The following STARD9 variants were observed in gnomAD, a reference collection of about 807,000 sequenced individuals.
STARD9 encodes the protein StAR related lipid transfer domain containing 9.
In STARD9, 346 loss-of-function variants were observed where a neutral mutation model predicts 399.8. The observed-to-expected ratio is 0.87, with a 90% CI of 0.79 to 0.95. The LOEUF is 0.95. Among genes scored for constraint, STARD9 ranks in the 40% least tolerant of loss-of-function variants. The pLI, the probability that STARD9 is intolerant of heterozygous loss-of-function variation, is 0.00. For synonymous variants in STARD9, 2,203 were observed against 2,143.5 expected (o/e 1.03, Z -0.77); for missense variants, 5,832 against 5,667.5 (o/e 1.03, Z -0.93).
chr15:42,703,880 G>C (rs528531274), intron 26 of STARD9, among the ~76,000 whole-genome samples: 5 of 151,770 alleles, frequency 3.3e-5, no homozygotes, highest in Non-Finnish European at 5.9e-5. Flanking sequence ...ATTTCTGTTT[G>C]ATTTTTAAAA....
At position 42,688,948 on chromosome 15, in the gene STARD9, G is replaced by A; in HGVS notation, c.7370G>A (p.Ser2457Asn). 6.5e-7 allele frequency: 1 copy of A among 1,537,454 alleles called. No homozygotes were observed. ...KDLRITLLGF[S>N]TSEDFASEAE... Reference sequence around the variant, plus strand: ...CTCAGAATCACCTTGCTGGGTTTCAGTACCAGTGAAGATTTTGCTTCTGAA... The same window carrying A: ...CTCAGAATCACCTTGCTGGGTTTCAATACCAGTGAAGATTTTGCTTCTGAA... Residue 2457 changes from serine to asparagine, a missense_variant, in exon 23 of 33, where the codon AGT (serine) becomes AAT (asparagine). Transcript: ENST00000290607.
In STARD9 at chr15:42,693,660, G is replaced by A. The variant is rs776792870; in HGVS notation, c.12082G>A (p.Gly4028Ser). 4 of 1,537,240 alleles carry A rather than the reference G, an allele frequency of 2.6e-6. No individual in the cohort carries two copies. The South Asian group carries it at 4.8e-5, about 18-fold the overall frequency. ...PPLRHRSQRL[G>S]NSFVPEKVAS... ...ACTGAGGCACAGGAGCCAAAGGCTG[G>A]GCAACAGCTTTGTGCCTGAGAAGGT... Residue 4028 changes from glycine (G) to serine (S), a missense_variant, in exon 23 of 33, where the codon GGC (glycine) becomes AGC (serine). Transcript: ENST00000290607.
Position 42,692,547 on chromosome 15 carries a change from T to C in STARD9, c.10969T>C (p.Ser3657Pro), listed in dbSNP as rs1171153732. Residue 3657 changes from serine (S) to proline (P), a missense_variant, in exon 23 of 33, where the codon TCC becomes CCC. Around this residue, in one of 2 missense-constraint regions of STARD9, gnomAD observed 5,828 missense variants for 5,651.1 expected, o/e 1.03. Transcript: ENST00000290607. ...SRRHWSSTDISFAQPEASAVS... is the reference protein window; with the variant it reads ...SRRHWSSTDIPFAQPEASAVS... ...GCGCCACTGGAGCAGCACTGACATC[T>C]CCTTTGCTCAGCCTGAAGCCAGTGC... is the stretch of plus-strand genomic sequence containing the variant. 6.5e-7 allele frequency: 1 copy of C among 1,537,088 alleles called. No homozygotes were observed. The highest frequency in any genetic ancestry group is 1.2e-5 in the South Asian group (1 of 84,060).
At chr15:42,649,935 C>G (rs1417974432) in intron 7 of STARD9, among the ~76,000 whole-genome samples, 1 of 143,046 alleles carries the variant, frequency 7.0e-6, no homozygotes, top group African/African-American at 2.7e-5. Context: ...GGCGCGATCT[C>G]GACTCTCCAC....
rs573920127 is a variant in STARD9 at position 42,691,187 on chromosome 15, C to G, written c.9609C>G (p.Pro3203=). 1 of 1,537,228 alleles carries G rather than the reference C, an allele frequency of 6.5e-7. No individual in the cohort carries two copies. Among genetic ancestry groups the G allele is most frequent in the South Asian group, 1.2e-5 (1 of 84,058 alleles). ...CAAGGTTAAAACATACCTGCAGCCC[C>G]CAGGAAGACAGTCCCTGGCAGGAAG... is the stretch of plus-strand genomic sequence containing the variant. ...FVARLKHTCS[P]QEDSPWQEEE... The change falls in exon 23 of 33, where the codon CCC becomes CCG. Residue 3203 remains proline (P), a synonymous_variant. Coordinates refer to ENST00000290607, the MANE Select transcript of STARD9 (RefSeq NM_020759.3).
chr15:42,592,348 T>C (rs1365751514), intron 3 of STARD9, among the ~76,000 whole-genome samples: 5 of 152,188 alleles, frequency 3.3e-5, no homozygotes, highest in Non-Finnish European at 5.9e-5. Context: ...GAAAAGACTA[T>C]AGTGAATGGG....
In STARD9 at chr15:42,692,618, GTC is replaced by G. The variant is rs751787118; in HGVS notation, c.11045_11046del (p.Leu3682ProfsTer35). On this transcript the variant is annotated frameshift_variant, in exon 23 of 33. Transcript: ENST00000290607. LOFTEE classifies it high-confidence loss of function. ...LASWTSMHNL[S>X]LHLSQLLHST... is the part of the protein sequence containing the mutation. ...CCTCATGGACCAGCATGCACAATCT[GTC>G]TCTCCACCTCTCACAGCTCCTGCAC... is the stretch of plus-strand genomic sequence containing the variant. 2.0e-6 allele frequency: 3 copies of G among 1,537,168 alleles called. No individual in the cohort carries two copies. The highest frequency in any genetic ancestry group is 1.4e-5 in the African/African-American group (1 of 73,138).
At chr15:42,649,239 A>G (rs2059707526) in intron 7 of STARD9, among the ~76,000 whole-genome samples, 1 of 152,154 alleles carries the variant, frequency 6.6e-6, no homozygotes, top group Admixed American at 6.5e-5. Context: ...CACGTTGGTC[A>G]GGCTGGTCTT....
Position 42,690,926 on chromosome 15 carries a change from G to A in STARD9, c.9348G>A (p.Arg3116=). The change falls in exon 23 of 33, where the codon AGG becomes AGA. Residue 3116 remains arginine (R), a synonymous_variant. Transcript: ENST00000290607. ...GMYSEPLRQF[R]DSSVGDQNAQ... ...ACTCTGAGCCCCTGAGGCAGTTTAG[G>A]GACAGCTCTGTAGGTGACCAGAATG... The A allele has an allele frequency of 1.2e-5, 19 of 1,537,124 alleles. No homozygotes were observed. Among genetic ancestry groups the A allele is most frequent in the Non-Finnish European group, 1.7e-5 (19 of 1,146,884 alleles).
chr15:42,650,884 G>T, intron 7 of STARD9, 132 bp from the exon 8 acceptor site: 1 of 539,764 alleles, frequency 1.9e-6, no homozygotes, highest in Non-Finnish European at 3.2e-6. Context: ...TTATCTGAAT[G>T]AATTTGGCCA....
intron 26 of STARD9, among the ~76,000 whole-genome samples, chr15:42,701,904 G>A (rs1023484798): frequency 6.9e-6 from 1 of 144,066 alleles, no homozygotes; most frequent in African/African-American, 2.6e-5. Context: ...TGAGGCAGGA[G>A]AATTGCTTGA....
chr15:42,585,766 G>A (rs962139373), intron 3 of STARD9, 129 bp downstream of exon 3: 1 of 489,610 alleles, frequency 2.0e-6, no homozygotes, highest in African/African-American at 2.0e-5. Context: ...ACTCTAATTG[G>A]TACTTTAAGA....
chr15:42,693,752 TGGA>T lies in STARD9; in HGVS notation c.12177_12179del (p.Gly4060del). On this transcript the variant is annotated inframe_deletion, in exon 23 of 33. Coordinates refer to ENST00000290607, the MANE Select transcript of STARD9 (RefSeq NM_020759.3). ...GTCAGTGGCAGAGCAGGACAGAAAA[TGGA>T]GGTGAGAGTTCAGCATCTCCAGGGG... is the stretch of plus-strand genomic sequence containing the variant. 7.8e-6 allele frequency: 12 copies of T among 1,536,522 alleles called. No individual in the cohort carries two copies. The highest frequency in any genetic ancestry group is 1.0e-5 in the Non-Finnish European group (12 of 1,146,822).
At position 42,716,705 on chromosome 15, in the gene STARD9, A is replaced by T. The variant is rs2061357241; in HGVS notation, c.13313A>T (p.Asp4438Val). 3 of 1,536,842 alleles carry T rather than the reference A, an allele frequency of 2.0e-6. No individual in the cohort carries two copies. In the East Asian group the frequency reaches 7.3e-5, roughly 38 times the overall value. Residue 4438 changes from aspartate (D) to valine (V), a missense_variant, in exon 27 of 33, where the codon GAT becomes GTT. Asp to Val is a radical substitution (Grantham distance 152). This residue lies in a region of STARD9 where 5,828 missense variants were observed against 5,651.1 expected (regional missense o/e 1.03). Coordinates refer to ENST00000290607, the MANE Select transcript of STARD9 (RefSeq NM_020759.3). ...CATACAAACTTGCCTGATTCCAGGG[A>T]TGTATGGATAGGGGATGAGCGAGGA... ...MGHTNLPDSR[D>V]VWIGDERGGH...
At chr15:42,712,978 C>T (rs2061277555) in intron 26 of STARD9, among the ~76,000 whole-genome samples, 1 of 152,190 alleles carries the variant, frequency 6.6e-6, no homozygotes, top group African/African-American at 2.4e-5. Context: ...TTGTCAATTT[C>T]TGCAAAGAAG....
intron 2 of STARD9, 45 bp downstream of exon 2, chr15:42,583,460 A>G (rs1164896503): frequency 2.1e-6 from 3 of 1,395,638 alleles, no homozygotes; most frequent in Non-Finnish European, 2.9e-6. Flanking sequence ...TGAGGAGCTA[A>G]TATTGTTACA....
chr15:42,602,964 C>T (rs1470187451), intron 3 of STARD9, among the ~76,000 whole-genome samples: 3 of 152,296 alleles, frequency 2.0e-5, no homozygotes, highest in South Asian at 2.1e-4. Flanking sequence ...TGCCTCTAGA[C>T]CCTATTCTCC....
intron 26 of STARD9, among the ~76,000 whole-genome samples, chr15:42,704,819 T>C (rs1428382225): frequency 6.6e-6 from 1 of 152,206 alleles, no homozygotes; most frequent in East Asian, 1.9e-4. Flanking sequence ...CTGTACCATG[T>C]TGCCTACAGT....
At chr15:42,576,948 T>G (rs1038741894) in intron 1 of STARD9, among the ~76,000 whole-genome samples, 1 of 152,108 alleles carries the variant, frequency 6.6e-6, no homozygotes. Flanking sequence ...GATTGGTAAA[T>G]GGCTTGTGAC....
Sources: allele counts gnomAD v4.1 joint callset (sites outside exome capture counted in the v4.1 genomes callset), GRCh38; gene constraint gnomAD v4.1.1; regional missense constraint gnomAD v4.1.1; transcripts MANE v1.5; gene names NCBI Gene and HGNC (gene_info 2026-07-23, HGNC 2026-07-21).